The following MFHAS1 variants were observed in gnomAD, a reference collection of about 807,000 sequenced individuals.
MFHAS1 encodes the protein malignant fibrous histiocytoma-amplified sequence 1.
Under a neutral mutation model 70.4 loss-of-function variants are expected in MFHAS1, and 50 were observed. The ratio of observed to expected loss-of-function variants is 0.71; its 90% CI spans 0.57 to 0.90. MFHAS1 has a LOEUF of 0.90. Among genes scored for constraint, MFHAS1 ranks in the 40% least tolerant of loss-of-function variants. The pLI, the probability that MFHAS1 is intolerant of heterozygous loss-of-function variation, is 0.00. For missense variants in MFHAS1, 1,795 were observed against 1,347.6 expected (o/e 1.33, Z -5.20); for synonymous variants, 952 against 620.0 (o/e 1.54, Z -7.96).
At chr8:8,826,966 C>T (rs1807188128) in intron 1 of MFHAS1, among the ~76,000 whole-genome samples, 1 of 152,186 alleles carries the variant, frequency 6.6e-6, no homozygotes, top group Non-Finnish European at 1.5e-5. Context: ...GCACTGCTGA[C>T]ATATGAAGAT....
In MFHAS1 at chr8:8,783,562, T is replaced by G. The variant is rs1293626065; in HGVS notation, c.*2460A>C. The G allele has an allele frequency of 1.3e-5, 2 of 151,902 alleles. No homozygotes were observed. Among genetic ancestry groups the G allele is most frequent in the Non-Finnish European group, 2.9e-5 (2 of 68,032 alleles). The allele number at this position is 151,902 out of a possible 1,614,324, so 9.4% of individuals were successfully genotyped here. On this transcript the variant is annotated 3_prime_UTR_variant, in exon 3 of 3. Coordinates refer to ENST00000276282, the MANE Select transcript of MFHAS1 (RefSeq NM_004225.3). Reference sequence around the variant, plus strand: ...AGTGTCAAATATGAGCACTGTCATTTTTTTTTTCTTAGAAGGGGGAAAAAC... The same window carrying G: ...AGTGTCAAATATGAGCACTGTCATTGTTTTTTTCTTAGAAGGGGGAAAAAC...
intron 2 of MFHAS1, among the ~76,000 whole-genome samples, chr8:8,796,985 G>T (rs1198125578): frequency 1.3e-5 from 2 of 152,068 alleles, no homozygotes; most frequent in Non-Finnish European, 2.9e-5. Context: ...GACAGAGCGA[G>T]ACTCCATCTC....
chr8:8,891,391 G>C lies in MFHAS1; in HGVS notation c.1668C>G (p.Arg556=). The change falls in exon 1 of 3, where the codon CGC becomes CGG. Residue 556 remains arginine (R), a synonymous_variant. Coordinates refer to ENST00000276282, the MANE Select transcript of MFHAS1 (RefSeq NM_004225.3). This position sits in a 1 kb window ranked among gnomAD's most constrained non-coding sequence, Gnocchi z 5.4. ...ELEEKCLDIH[R]QIALQEKHDA... The stretch of plus-strand genomic sequence containing the variant: ...CGTGCTTCTCCTGCAGGGCGATCTG[G>C]CGGTGAATGTCCAGACATTTCTCCT... The C allele has an allele frequency of 6.2e-7, 1 of 1,612,184 alleles. No homozygotes were observed. Among genetic ancestry groups the C allele is most frequent in the Non-Finnish European group, 8.5e-7 (1 of 1,180,022 alleles).
At chr8:8,790,767 T>A (rs1431750885) in intron 2 of MFHAS1, among the ~76,000 whole-genome samples, 2 of 152,234 alleles carry the variant, frequency 1.3e-5, no homozygotes, top group Non-Finnish European at 2.9e-5. Flanking sequence ...ATTTGTGTGC[T>A]GTTAGGCATA....
chr8:8,841,708 C>T (rs7832396), intron 1 of MFHAS1, among the ~76,000 whole-genome samples: 10,613 of 152,080 alleles, frequency 0.07, 1,244 homozygotes, highest in African/African-American at 0.24. Context: ...GAAGCCAGCC[C>T]CTGGTTATAC....
chr8:8,809,271 T>C (rs934112340), intron 1 of MFHAS1, among the ~76,000 whole-genome samples: 1 of 152,162 alleles, frequency 6.6e-6, no homozygotes, highest in Admixed American at 6.5e-5. Flanking sequence ...ACAAATGTAA[T>C]GCACTTGAAT....
At chr8:8,822,842 G>C (rs931451693) in intron 1 of MFHAS1, among the ~76,000 whole-genome samples, 11 of 151,094 alleles carry the variant, frequency 7.3e-5, no homozygotes, top group African/African-American at 2.7e-4. Context: ...CACAGGGACA[G>C]GAACCAAGTC....
In MFHAS1 at chr8:8,890,222, T is replaced by C. The variant is rs1319832241; in HGVS notation, c.2837A>G (p.His946Arg). 3.1e-6 allele frequency: 5 copies of C among 1,614,170 alleles called. No homozygotes were observed. Among genetic ancestry groups the C allele is most frequent in the East Asian group, 2.2e-5 (1 of 44,876 alleles). The change falls in exon 1 of 3, where the codon CAT becomes CGT. Residue 946 changes from histidine to arginine, a missense_variant. His to Arg is a conservative substitution (Grantham distance 29, BLOSUM62 0). Transcript: ENST00000276282. ...LQPDTLSIAS[H>R]ASLPNIWTAW... ...GGTCCATATATTTGGTAATGATGCA[T>C]GGCTAGCAATGGACAGGGTGTCTGG...
chr8:8,866,798 C>T (rs1218010062), intron 1 of MFHAS1, among the ~76,000 whole-genome samples: 1 of 152,216 alleles, frequency 6.6e-6, no homozygotes, highest in African/African-American at 2.4e-5. Context: ...TTGGATATCT[C>T]TCATCCTGTG....
rs781323145 is a variant in MFHAS1 at position 8,892,279 on chromosome 8, G to A, written c.780C>T (p.Asn260=). 20 of 1,612,526 alleles carry A rather than the reference G, an allele frequency of 1.2e-5. No homozygotes were observed. Among genetic ancestry groups the A allele is most frequent in the Non-Finnish European group, 1.6e-5 (19 of 1,180,018 alleles). ...ACTGGGCGGGCAGAGCCTGCAGCCC[G>A]TTGTTGTCTAGCATGAGGCTCTCCA... ...ASLESLMLDN[N]GLQALPAQFS... is the part of the protein sequence containing the mutation. Residue 260 remains asparagine, a synonymous_variant, in exon 1 of 3, where the codon AAC becomes AAT. Transcript: ENST00000276282. This position sits in a 1 kb window ranked among gnomAD's most constrained non-coding sequence, Gnocchi z 4.7.
At chr8:8,862,964 G>C (rs1294498377) in intron 1 of MFHAS1, among the ~76,000 whole-genome samples, 1 of 152,182 alleles carries the variant, frequency 6.6e-6, no homozygotes, top group African/African-American at 2.4e-5. Flanking sequence ...TCCTTGGTAA[G>C]ACTGTATATT....
At chr8:8,881,131 T>A (rs1221284028) in intron 1 of MFHAS1, among the ~76,000 whole-genome samples, 1 of 152,204 alleles carries the variant, frequency 6.6e-6, no homozygotes, top group Admixed American at 6.5e-5. Context: ...TTCTATAAAT[T>A]TACAGCAAAA....
At chr8:8,829,207 C>G (rs1345755911) in intron 1 of MFHAS1, among the ~76,000 whole-genome samples, 1 of 152,200 alleles carries the variant, frequency 6.6e-6, no homozygotes. Context: ...CTCCCAGAAC[C>G]CCTTCCCCAT....
intron 2 of MFHAS1, among the ~76,000 whole-genome samples, chr8:8,796,803 G>C (rs1236546072): frequency 1.3e-5 from 2 of 151,490 alleles, no homozygotes; most frequent in Non-Finnish European, 2.9e-5. Context: ...AGATCATCCT[G>C]GCTAACAGGG....
chr8:8,787,880 C>T (rs1235832605), intron 2 of MFHAS1, among the ~76,000 whole-genome samples: 1 of 152,210 alleles, frequency 6.6e-6, no homozygotes, highest in East Asian at 1.9e-4. Context: ...ACTGTTCAAC[C>T]AGCTTGAAAA....
At chr8:8,843,396 C>T (rs1028482112) in intron 1 of MFHAS1, among the ~76,000 whole-genome samples, 3 of 152,118 alleles carry the variant, frequency 2.0e-5, no homozygotes, top group African/African-American at 7.2e-5. Flanking sequence ...CCAGCCTAGG[C>T]AACATTTCAA....
intron 1 of MFHAS1, among the ~76,000 whole-genome samples, chr8:8,820,499 A>T (rs1219190096): frequency 6.6e-6 from 1 of 152,098 alleles, no homozygotes; most frequent in African/African-American, 2.4e-5. Context: ...ACTTGATCTC[A>T]ATGTCTTTCT....
At chr8:8,876,589 G>C (rs565621441) in intron 1 of MFHAS1, among the ~76,000 whole-genome samples, 113 of 151,996 alleles carry the variant, frequency 7.4e-4, no homozygotes, top group African/African-American at 2.5e-3. Flanking sequence ...ACAAAAATTA[G>C]CCGGGCATAG....
Position 8,892,072 on chromosome 8 carries a change from G to A in MFHAS1, c.987C>T (p.Asn329=). The change falls in exon 1 of 3, where the codon AAC becomes AAT. Residue 329 remains asparagine (N), a synonymous_variant. Transcript: ENST00000276282. The surrounding 1 kb of genome is among the most constrained non-coding windows in gnomAD (Gnocchi z 4.7). ...TGGAGTCCGGCAGGTAGCGGATGCG[G>A]TTATTATCCAGCCACAAGGTGAGAA... ...GRLLTLWLDN[N]RIRYLPDSIV... is the part of the protein sequence containing the mutation. The A allele has an allele frequency of 6.2e-7, 1 of 1,613,216 alleles. No homozygotes were observed. The highest frequency in any genetic ancestry group is 8.5e-7 in the Non-Finnish European group (1 of 1,180,010).
Sources: allele counts gnomAD v4.1 joint callset (sites outside exome capture counted in the v4.1 genomes callset), GRCh38; gene constraint gnomAD v4.1.1; non-coding constraint Gnocchi (gnomAD v3.1); transcripts MANE v1.5; gene names NCBI Gene and HGNC (gene_info 2026-07-23, HGNC 2026-07-21).